The following ADGRB3 variants were observed in gnomAD, a reference collection of about 807,000 sequenced individuals.
ADGRB3 encodes adhesion G protein-coupled receptor B3, also known as brain-specific angiogenesis inhibitor 3.
A neutral mutation model predicts 193.4 loss-of-function variants in ADGRB3; 37 were observed. The observed-to-expected ratio is 0.19, with a 90% CI of 0.15 to 0.25. The LOEUF is 0.25. Ranked by LOEUF, ADGRB3 falls within the 10% of genes least tolerant of loss-of-function variation. The pLI is 1.00. For missense variants in ADGRB3, 1,637 were observed against 1,852.9 expected (o/e 0.88, Z 2.14); for synonymous variants, 690 against 644.2 (o/e 1.07, Z -1.08).
intron 3 of ADGRB3, among the ~76,000 whole-genome samples, chr6:68,920,100 A>G (rs1166706782): frequency 6.6e-6 from 1 of 152,180 alleles, no homozygotes; most frequent in African/African-American, 2.4e-5. Context: ...AAAACATTCA[A>G]TGTGCTCTGC....
chr6:69,243,242 T>C lies in ADGRB3; in HGVS notation c.2814+4016T>C, dbSNP rs193182976. On this transcript the variant is annotated intron_variant, in intron 20 of 31. Coordinates refer to ENST00000370598, the MANE Select transcript of ADGRB3 (RefSeq NM_001704.3). The stretch of plus-strand genomic sequence containing the variant: ...AAAAAAGCAAGTCTAAGTCCAAATT[T>C]TATCACACATTTAGATATTTATTAG... Among the ~76,000 whole-genome samples, 28 of 152,038 alleles carry C rather than the reference T, an allele frequency of 1.8e-4. 2 individuals are homozygous for C. The highest frequency in any genetic ancestry group is 5.8e-4 in the African/African-American group (24 of 41,530).
At chr6:68,667,687 CA>C (rs1768836520) in intron 3 of ADGRB3, among the ~76,000 whole-genome samples, 1 of 151,646 alleles carries the variant, frequency 6.6e-6, no homozygotes, top group Non-Finnish European at 1.5e-5. Flanking sequence ...TTATTTTTGC[CA>C]TATTCTATTT....
intron 3 of ADGRB3, among the ~76,000 whole-genome samples, chr6:68,703,593 A>C: frequency 6.6e-6 from 1 of 152,130 alleles, no homozygotes; most frequent in Admixed American, 6.6e-5. Context: ...TAAAATATTA[A>C]ATAAAAAGAA....
At chr6:68,928,444 A>C (rs1767244566) in intron 3 of ADGRB3, among the ~76,000 whole-genome samples, 1 of 152,124 alleles carries the variant, frequency 6.6e-6, no homozygotes, top group Non-Finnish European at 1.5e-5. Context: ...GGCAAGGGAG[A>C]GGATCACTTG....
At chr6:68,880,076 G>C (rs927776426) in intron 3 of ADGRB3, among the ~76,000 whole-genome samples, 3 of 152,288 alleles carry the variant, frequency 2.0e-5, no homozygotes, top group Admixed American at 2.0e-4. Flanking sequence ...GACATGGTCA[G>C]ATTGCTTGCG....
At position 69,239,231 on chromosome 6, in the gene ADGRB3, G is replaced by A. The variant is rs1397233888; in HGVS notation, c.2814+5G>A. ...CAGACTCAGACACATAATAAGGTAT[G>A]ACTGGTAATTATTCTGATTCTTTTT... On this transcript the variant is annotated splice_donor_5th_base_variant and intron_variant, in intron 20 of 31. Coordinates refer to ENST00000370598, the MANE Select transcript of ADGRB3 (RefSeq NM_001704.3). 1 of 1,505,782 alleles carries A rather than the reference G, an allele frequency of 6.6e-7. No homozygotes were observed. Among genetic ancestry groups the A allele is most frequent in the Non-Finnish European group, 9.2e-7 (1 of 1,089,596 alleles). The allele number at this position is 1,505,782 out of a possible 1,614,324, so 93.3% of individuals were successfully genotyped here. A position where few individuals can be genotyped will look rare whatever the true frequency, so the allele number is the denominator to read the frequency against.
chr6:69,155,267 C>G (rs1182362562), intron 17 of ADGRB3, among the ~76,000 whole-genome samples: 1 of 152,124 alleles, frequency 6.6e-6, no homozygotes, highest in Non-Finnish European at 1.5e-5. Context: ...CCACATCTCC[C>G]CAAATACTAC....
At chr6:68,719,292 C>T (rs976632782) in intron 3 of ADGRB3, among the ~76,000 whole-genome samples, 12 of 151,686 alleles carry the variant, frequency 7.9e-5, no homozygotes, top group African/African-American at 2.7e-4. Context: ...GTGCAATAGC[C>T]ACTAGGCCTA....
At chr6:68,840,528 C>T (rs1026765556) in intron 3 of ADGRB3, among the ~76,000 whole-genome samples, 2 of 151,510 alleles carry the variant, frequency 1.3e-5, no homozygotes, top group African/African-American at 2.4e-5. Context: ...TCTCAAGTAG[C>T]TCGGACAGCC....
intron 17 of ADGRB3, among the ~76,000 whole-genome samples, chr6:69,143,204 T>C (rs1582494732): frequency 6.6e-6 from 1 of 152,328 alleles, no homozygotes; most frequent in East Asian, 1.9e-4. Flanking sequence ...TCTATTTAGG[T>C]GTTTTGCTCA....
chr6:69,065,312 G>A (rs778946820), intron 16 of ADGRB3, among the ~76,000 whole-genome samples: 1 of 152,094 alleles, frequency 6.6e-6, no homozygotes, highest in Non-Finnish European at 1.5e-5. Context: ...GAATCTGCCC[G>A]CCGTGCACAT....
chr6:69,014,430 A>C (rs1770031113), intron 12 of ADGRB3, among the ~76,000 whole-genome samples: 1 of 151,992 alleles, frequency 6.6e-6, no homozygotes, highest in African/African-American at 2.4e-5. Flanking sequence ...TACATATTTC[A>C]AATGAAAGTA....
chr6:69,043,290 G>GAGAGAGAGAAAGAAAGAA (rs1554252049), intron 13 of ADGRB3, among the ~76,000 whole-genome samples: 21 of 88,032 alleles, frequency 2.4e-4, no homozygotes, highest in Non-Finnish European at 3.7e-4. Flanking sequence ...GGAAGAAAGA[G>GAGAGAGAGAAAGAAAGAA]AGAAAGAAAG....
rs149447599 is a variant in ADGRB3 at position 69,377,371 on chromosome 6, G to A, written c.4275+4930G>A. 1.8e-3 allele frequency among the ~76,000 whole-genome samples: 280 copies of A among 152,112 alleles called. 4 individuals carry two copies. The highest frequency in any genetic ancestry group is 3.5e-3 in the Admixed American group (53 of 15,264). On this transcript the variant is annotated intron_variant, in intron 30 of 31. Transcript: ENST00000370598. ...TTATTCTCCTCCAAAGTAAGTCATA[G>A]ATACCAGAATTCCTCTTCACCAAAT...
intron 3 of ADGRB3, among the ~76,000 whole-genome samples, chr6:68,644,246 A>C (rs1442733840): frequency 6.6e-6 from 1 of 152,048 alleles, no homozygotes; most frequent in African/African-American, 2.4e-5. Flanking sequence ...ATAATTTCCA[A>C]TTTTATTAAT....
chr6:68,857,564 G>A (rs555120504), intron 3 of ADGRB3, among the ~76,000 whole-genome samples: 48 of 152,290 alleles, frequency 3.2e-4, no homozygotes, highest in African/African-American at 1.1e-3. Context: ...ATTTGGAATG[G>A]CTGCATTTAG....
chr6:69,185,099 A>C (rs1054911086), intron 17 of ADGRB3, among the ~76,000 whole-genome samples: 1 of 152,140 alleles, frequency 6.6e-6, no homozygotes, highest in African/African-American at 2.4e-5. Flanking sequence ...TTAGCCTTCA[A>C]ATTGCCTCTC....
intron 17 of ADGRB3, among the ~76,000 whole-genome samples, chr6:69,144,904 T>TTTCTTTCTTTCTTTC (rs1774441808): frequency 6.6e-6 from 1 of 151,634 alleles, no homozygotes; most frequent in African/African-American, 2.4e-5. Flanking sequence ...TCTTTCTTTC[T>TTTCTTTCTTTCTTTC]TTCTTTCTTT....
At chr6:69,338,555 A>G (rs1768901805) in intron 24 of ADGRB3, among the ~76,000 whole-genome samples, 1 of 152,214 alleles carries the variant, frequency 6.6e-6, no homozygotes. Flanking sequence ...CCTCAGGGCT[A>G]GGAGTCCTCA....
Sources: gnomAD v4.1 joint callset for allele counts (sites outside exome capture counted in the v4.1 genomes callset) on GRCh38, gnomAD v4.1.1 for gene constraint, MANE v1.5 for transcripts, NCBI Gene and HGNC (gene_info 2026-07-23, HGNC 2026-07-21) for gene names.